Variants in GALNT9 observed in about 807,000 individuals in gnomAD.
GALNT9 encodes GalNAc transferase 9.
Under a neutral mutation model 63.1 loss-of-function variants are expected in GALNT9, and 47 were observed. That is an observed-to-expected ratio of 0.75 (90% confidence interval 0.59 to 0.95). GALNT9 has a LOEUF of 0.95. GALNT9 is among the 40% of genes least tolerant of loss of function. The pLI is 0.00. For synonymous variants in GALNT9, 396 were observed against 365.7 expected, an observed-to-expected ratio of 1.08 and a Z score of -0.94; for missense variants, 829 against 874.8, an observed-to-expected ratio of 0.95 and a Z score of 0.66.
chr12:132,240,708 T>G (rs1248682901), intron 6 of GALNT9: 2 of 455,946 alleles, frequency 4.4e-6, no homozygotes, highest in East Asian at 6.9e-5. Context: ...TTACCTTATC[T>G]TGCTGGAACC....
At chr12:132,199,724 G>A (rs73486328) in intron 8 of GALNT9, among the ~76,000 whole-genome samples, 4,308 of 152,256 alleles carry the variant, frequency 0.028, 189 homozygotes, top group African/African-American at 0.096. Context: ...GAACAAGCCC[G>A]GGCCAGACTG....
Position 132,329,276 on chromosome 12 carries a change from C to G in GALNT9, c.-73G>C. On this transcript the variant is annotated 5_prime_UTR_variant, in exon 1 of 11. Transcript: ENST00000328957. ...CCCGCCCGGGCCTGGGCTTCAGCTT[C>G]GGCTTCGGGGACCATGAGCCGCCCG... 2.7e-6 allele frequency: 4 copies of G among 1,491,622 alleles called. No individual in the cohort carries two copies. Among genetic ancestry groups the G allele is most frequent in the Middle Eastern group, 1.7e-4 (1 of 5,760 alleles). The allele number at this position is 1,491,622 out of a possible 1,614,324, so 92.4% of individuals were successfully genotyped here.
In GALNT9 at chr12:132,196,917, A is replaced by G. The variant is rs2135493614; in HGVS notation, c.*190T>C. 2 of 1,422,916 alleles carry G rather than the reference A, an allele frequency of 1.4e-6. No homozygotes were observed. Among genetic ancestry groups the G allele is most frequent in the Middle Eastern group, 2.6e-4 (1 of 3,778 alleles). The allele number at this position is 1,422,916 out of a possible 1,614,324, so 88.1% of individuals were successfully genotyped here. A position where few individuals can be genotyped will look rare whatever the true frequency, so the allele number is the denominator to read the frequency against. On this transcript the variant is annotated 3_prime_UTR_variant, in exon 11 of 11. Coordinates refer to ENST00000328957, the MANE Select transcript of GALNT9 (RefSeq NM_001122636.2). Reference sequence around the variant, plus strand: ...CGGGTAGAGCCGCCTGTCCTAGGAGAAGCTGTACTCCAGATGCAGTGGGTG... The same window carrying G: ...CGGGTAGAGCCGCCTGTCCTAGGAGGAGCTGTACTCCAGATGCAGTGGGTG...
chr12:132,320,831 G>T (rs758228594), intron 1 of GALNT9, among the ~76,000 whole-genome samples: 17 of 152,240 alleles, frequency 1.1e-4, no homozygotes, highest in Non-Finnish European at 1.8e-4. Flanking sequence ...CTGCTGTGCC[G>T]CGTGCCTCCT....
At chr12:132,247,639 ACGC>A in intron 6 of GALNT9, 1 of 580,984 alleles carries the variant, frequency 1.7e-6, no homozygotes, top group African/African-American at 1.9e-5. Flanking sequence ...CCATCCCCAG[ACGC>A]CATGGCCGCA....
rs566118638 is a variant in GALNT9, at chr12:132,286,554, C to G, written c.239-124G>C. The G allele has an allele frequency of 8.8e-5, 122 of 1,389,248 alleles. No homozygotes were observed. The highest frequency in any genetic ancestry group is 1.1e-4 in the Non-Finnish European group (114 of 1,056,774). 86.1% of individuals were successfully genotyped at this position (1,389,248 alleles called of 1,614,324 possible). On this transcript the variant is annotated intron_variant, in intron 1 of 10. Coordinates refer to ENST00000328957, the MANE Select transcript of GALNT9 (RefSeq NM_001122636.2). The surrounding 1 kb of genome is among the most constrained non-coding windows in gnomAD (Gnocchi z 7.4). ...CCCCGGTACAAGCCCAGCAAACTCC[C>G]TGCAGATGGCAGGCTGCCAGCTCAG...
chr12:132,239,327 G>GAGTC (rs2136896754), intron 6 of GALNT9, among the ~76,000 whole-genome samples: 2 of 63,182 alleles, frequency 3.2e-5, no homozygotes, highest in African/African-American at 2.2e-4. Context: ...GACTGAGAGA[G>GAGTC]AGAGACAGAG....
chr12:132,268,181 A>G (rs1353525872), intron 2 of GALNT9, among the ~76,000 whole-genome samples: 1 of 151,498 alleles, frequency 6.6e-6, no homozygotes, highest in Non-Finnish European at 1.5e-5. Context: ...AAACCCATAC[A>G]TGTACTCACA....
intron 6 of GALNT9, among the ~76,000 whole-genome samples, chr12:132,243,474 G>T (rs1209111128): frequency 1.7e-5 from 2 of 119,188 alleles, no homozygotes; most frequent in South Asian, 6.4e-4. Flanking sequence ...CCGACCTGAA[G>T]GTCAGGGCAT....
intron 6 of GALNT9, among the ~76,000 whole-genome samples, chr12:132,217,251 A>C (rs10902522): frequency 0.56 from 80,950 of 143,452 alleles, 22,679 homozygotes; most frequent in East Asian, 0.71. Flanking sequence ...CATCCCACCC[A>C]CCCATCCATC....
At chr12:132,305,935 C>T (rs1555244601) in intron 1 of GALNT9, among the ~76,000 whole-genome samples, 1 of 152,214 alleles carries the variant, frequency 6.6e-6, no homozygotes, top group African/African-American at 2.4e-5. Flanking sequence ...GCTGGCAGCA[C>T]AGCCTTTAGG....
intron 2 of GALNT9, among the ~76,000 whole-genome samples, chr12:132,266,580 G>A (rs1879606717): frequency 6.6e-6 from 1 of 152,234 alleles, no homozygotes; most frequent in African/African-American, 2.4e-5. Flanking sequence ...AGCCCCAGAA[G>A]CTGGGAGAGG....
chr12:132,316,837 G>C lies in GALNT9; in HGVS notation c.238+12129C>G, dbSNP rs138557429. Among the ~76,000 whole-genome samples, 136 of 152,070 alleles carry C rather than the reference G, an allele frequency of 8.9e-4. 1 individual carries two copies. The highest frequency in any genetic ancestry group is 3.1e-3 in the African/African-American group (128 of 41,424). ...CAGGTTTGGCTGTCACACCTGGGGAGGGGTGGGGCAGCTACCAGCATCTAG... is the reference window on the plus strand; with the variant it reads ...CAGGTTTGGCTGTCACACCTGGGGACGGGTGGGGCAGCTACCAGCATCTAG... On this transcript the variant is annotated intron_variant, in intron 1 of 10. Coordinates refer to ENST00000328957, the MANE Select transcript of GALNT9 (RefSeq NM_001122636.2). This position sits in a 1 kb window ranked among gnomAD's most constrained non-coding sequence, Gnocchi z 4.3.
At chr12:132,277,368 C>T (rs73168812) in intron 2 of GALNT9, 94 of 155,058 alleles carry the variant, frequency 6.1e-4, no homozygotes, top group African/African-American at 2.1e-3. Flanking sequence ...CGCGATGCCA[C>T]GTCCAGTCTG....
At chr12:132,215,378 C>T (rs948054921) in intron 6 of GALNT9, among the ~76,000 whole-genome samples, 1 of 152,258 alleles carries the variant, frequency 6.6e-6, no homozygotes, top group African/African-American at 2.4e-5. Flanking sequence ...CGCCCGGCAC[C>T]GCCTGGATGC....
chr12:132,259,890 GA>G (rs1879297408), intron 4 of GALNT9, among the ~76,000 whole-genome samples: 1 of 152,236 alleles, frequency 6.6e-6, no homozygotes. Flanking sequence ...AGGAAGTGGG[GA>G]AAATGTCCTC....
chr12:132,251,878 A>G (rs538370856), intron 5 of GALNT9, among the ~76,000 whole-genome samples: 33 of 152,220 alleles, frequency 2.2e-4, no homozygotes, highest in African/African-American at 7.7e-4. Flanking sequence ...CTGGAGGAAC[A>G]CATGTCCCCA....
intron 4 of GALNT9, among the ~76,000 whole-genome samples, chr12:132,260,043 A>G (rs35659125): frequency 0.064 from 1,073 of 16,728 alleles, 11 homozygotes; most frequent in South Asian, 0.084. Context: ...GCCTGGGTGC[A>G]GGGAACACAC....
intron 1 of GALNT9, among the ~76,000 whole-genome samples, chr12:132,305,097 G>A (rs529669669): frequency 8.5e-5 from 6 of 70,648 alleles, no homozygotes; most frequent in African/African-American, 2.3e-4. Context: ...CCTCACCCGG[G>A]CACAGCCTCA....
Sources: gnomAD v4.1 joint callset for allele counts (sites outside exome capture counted in the v4.1 genomes callset) on GRCh38, gnomAD v4.1.1 for gene constraint, Gnocchi (gnomAD v3.1) non-coding constraint, MANE v1.5 for transcripts, NCBI Gene and HGNC (gene_info 2026-07-23, HGNC 2026-07-21) for gene names.